Variants in FSHR observed in about 807,000 individuals in gnomAD.
FSHR encodes follicle stimulating hormone receptor, also known as follicle-stimulating hormone receptor.
In FSHR, 46 loss-of-function variants were observed where a neutral mutation model predicts 52.1. The ratio of observed to expected loss-of-function variants is 0.88; its 90% CI spans 0.70 to 1.13. The LOEUF is 1.13. Ranked by LOEUF, FSHR falls within the 50% of genes most tolerant of loss-of-function variation. The pLI is 0.00. For synonymous variants in FSHR, 399 were observed against 309.6 expected (o/e 1.29, Z -3.03); for missense variants, 964 against 834.6 (o/e 1.16, Z -1.91).
At chr2:49,049,482 A>G (rs542342669) in intron 2 of FSHR, among the ~76,000 whole-genome samples, 1 of 152,116 alleles carries the variant, frequency 6.6e-6, no homozygotes, top group Admixed American at 6.5e-5. Context: ...CATCAGGACC[A>G]TGAATGCTTG....
chr2:48,974,185 A>C lies in FSHR; in HGVS notation c.669-5302T>G, dbSNP rs1433791988. On this transcript the variant is annotated intron_variant, in intron 8 of 9. Coordinates refer to ENST00000406846, the MANE Select transcript of FSHR (RefSeq NM_000145.4). ...AGCAGGTAAGTATATGTGGCTGAGA[A>C]TATAAAAGTTACCAAGAAAGGGAGC... is the stretch of plus-strand genomic sequence containing the variant. Among the ~76,000 whole-genome samples the C allele has an allele frequency of 2.0e-5, 3 of 152,192 alleles. No homozygotes were observed. The East Asian group carries it at 5.8e-4, about 29-fold the overall frequency.
intron 1 of FSHR, among the ~76,000 whole-genome samples, chr2:49,119,260 A>G (rs1671713821): frequency 6.6e-6 from 1 of 152,128 alleles, no homozygotes; most frequent in Non-Finnish European, 1.5e-5. Flanking sequence ...CTTCAAAGTG[A>G]TTTTTTGTTA....
In FSHR at chr2:48,968,757, C is replaced by T; in HGVS notation, c.795G>A (p.Met265Ile). ...GGCTGGGATAGGTGAGGCTGGCTTCCATGAGGGCGACAAGCTTTTCCAGAG... is the reference window on the plus strand; with the variant it reads ...GGCTGGGATAGGTGAGGCTGGCTTCTATGAGGGCGACAAGCTTTTCCAGAG... ...LPTLEKLVAL[M>I]EASLTYPSHC... Residue 265 changes from methionine to isoleucine, a missense_variant, in exon 9 of 10, where the codon ATG becomes ATA. Transcript: ENST00000406846. 1.2e-6 allele frequency: 2 copies of T among 1,614,128 alleles called. No individual in the cohort carries two copies. The highest frequency in any genetic ancestry group is 2.2e-5 in the East Asian group (1 of 44,882).
intron 1 of FSHR, among the ~76,000 whole-genome samples, chr2:49,092,105 A>C (rs186755499): frequency 3.3e-5 from 5 of 152,336 alleles, no homozygotes; most frequent in Admixed American, 3.3e-4. Context: ...TTAGGTTTAC[A>C]ACTAAGTATT....
At chr2:49,055,669 C>T (rs1330410440) in intron 2 of FSHR, among the ~76,000 whole-genome samples, 1 of 150,952 alleles carries the variant, frequency 6.6e-6, no homozygotes, top group Non-Finnish European at 1.5e-5. Context: ...AGAAAAGCCT[C>T]AAGTCACATA....
In FSHR at chr2:49,127,336, A is replaced by G. The variant is rs989112721; in HGVS notation, c.152+26930T>C. On this transcript the variant is annotated intron_variant, in intron 1 of 9. Transcript: ENST00000406846. ...GAGCAAGACTTTGTCTAAGAAAAAA[A>G]AAAAAAGAAAAACAGAAAAAGATTC... Among the ~76,000 whole-genome samples, 119 of 152,124 alleles carry G rather than the reference A, an allele frequency of 7.8e-4. 2 individuals are homozygous for G. Among genetic ancestry groups the G allele is most frequent in the African/African-American group, 7.0e-4 (29 of 41,430 alleles).
intron 1 of FSHR, among the ~76,000 whole-genome samples, chr2:49,112,112 T>C (rs1292047895): frequency 2.6e-5 from 4 of 152,318 alleles, no homozygotes; most frequent in African/African-American, 9.6e-5. Context: ...GCTTCGGTTA[T>C]GTATGTGAAC....
intron 1 of FSHR, among the ~76,000 whole-genome samples, chr2:49,078,281 T>C (rs1353246195): frequency 1.3e-5 from 2 of 152,106 alleles, no homozygotes; most frequent in African/African-American, 4.8e-5. Flanking sequence ...AACTCCTCTT[T>C]TTAAAACCAT....
intron 2 of FSHR, among the ~76,000 whole-genome samples, chr2:49,022,199 G>A (rs946256094): frequency 2.6e-5 from 4 of 151,984 alleles, no homozygotes; most frequent in Non-Finnish European, 2.9e-5. Flanking sequence ...GTCACCACTC[G>A]TAGAGACATA....
At chr2:49,105,723 C>T (rs1671197422) in intron 1 of FSHR, among the ~76,000 whole-genome samples, 2 of 152,244 alleles carry the variant, frequency 1.3e-5, no homozygotes, top group East Asian at 1.9e-4. Flanking sequence ...CCGTGCTCTA[C>T]TGCCAGCTGC....
intron 6 of FSHR, among the ~76,000 whole-genome samples, chr2:48,983,582 G>T (rs1236747187): frequency 6.6e-6 from 1 of 152,152 alleles, no homozygotes; most frequent in Non-Finnish European, 1.5e-5. Context: ...AGAACATTTT[G>T]TGTCACCTTT....
chr2:49,129,791 G>A (rs1339461554), intron 1 of FSHR, among the ~76,000 whole-genome samples: 1 of 152,146 alleles, frequency 6.6e-6, no homozygotes, highest in Non-Finnish European at 1.5e-5. Context: ...TTAGAATCCT[G>A]ACGCGCCTTC....
intron 1 of FSHR, among the ~76,000 whole-genome samples, chr2:49,123,868 G>A (rs968827589): frequency 4.6e-4 from 70 of 152,142 alleles, no homozygotes; most frequent in African/African-American, 1.6e-3. Flanking sequence ...GTCTTCACTA[G>A]ACATACTAGG....
chr2:48,972,448 G>A (rs1674783893), intron 8 of FSHR, among the ~76,000 whole-genome samples: 1 of 152,128 alleles, frequency 6.6e-6, no homozygotes, highest in Non-Finnish European at 1.5e-5. Context: ...TTTGATCTCT[G>A]CTGCTGTCTC....
chr2:49,116,814 T>A (rs1262080354), intron 1 of FSHR, among the ~76,000 whole-genome samples: 1 of 152,236 alleles, frequency 6.6e-6, no homozygotes, highest in Non-Finnish European at 1.5e-5. Context: ...AGTGTAACTC[T>A]GTTATTTCAA....
intron 2 of FSHR, among the ~76,000 whole-genome samples, chr2:49,033,479 A>T (rs559069836): frequency 1.4e-4 from 21 of 152,332 alleles, no homozygotes; most frequent in African/African-American, 5.1e-4. Context: ...GAGAATAAGT[A>T]GTAGCTGAAA....
At chr2:49,068,803 A>T (rs1036349328) in intron 1 of FSHR, among the ~76,000 whole-genome samples, 1 of 152,032 alleles carries the variant, frequency 6.6e-6, no homozygotes, top group Admixed American at 6.6e-5. Flanking sequence ...CTCTCCTGGT[A>T]CTGTGAGTGA....
At chr2:49,005,461 A>C (rs1360098972) in intron 4 of FSHR, among the ~76,000 whole-genome samples, 1 of 152,150 alleles carries the variant, frequency 6.6e-6, no homozygotes, top group African/African-American at 2.4e-5. Context: ...AGATCCTTGC[A>C]ACACTGACAG....
intron 4 of FSHR, among the ~76,000 whole-genome samples, chr2:49,016,370 GT>G (rs1468538851): frequency 3.3e-5 from 5 of 152,136 alleles, no homozygotes; most frequent in Admixed American, 3.3e-4. Flanking sequence ...TCAGTGAATT[GT>G]TTTGGTTAAT....
Sources: allele counts gnomAD v4.1 joint callset (sites outside exome capture counted in the v4.1 genomes callset), GRCh38; gene constraint gnomAD v4.1.1; transcripts MANE v1.5; gene names NCBI Gene and HGNC (gene_info 2026-07-23, HGNC 2026-07-21).